Variants in SOS2 observed in about 807,000 individuals in gnomAD.
SOS2 encodes son of sevenless homolog 2.
A neutral mutation model predicts 148.2 loss-of-function variants in SOS2; 65 were observed. That is an observed-to-expected ratio of 0.44 (90% CI 0.36 to 0.54). SOS2 has a LOEUF of 0.54. SOS2 is among the 20% of genes least tolerant of loss of function. The pLI is 0.00. For missense variants in SOS2, 1,341 were observed against 1,590.2 expected (o/e 0.84, Z 2.67); for synonymous variants, 539 against 537.1 (o/e 1.00, Z -0.05).
intron 19 of SOS2, among the ~76,000 whole-genome samples, chr14:50,133,668 C>T (rs768201717): frequency 2.5e-4 from 38 of 152,150 alleles, no homozygotes; most frequent in Non-Finnish European, 4.1e-4. Context: ...CTTCTGTTGC[C>T]ACTGCAAACT....
chr14:50,215,831 T>C (rs1887027398), intron 1 of SOS2, among the ~76,000 whole-genome samples: 1 of 152,252 alleles, frequency 6.6e-6, no homozygotes, highest in South Asian at 2.1e-4. Context: ...TTTGACAAGT[T>C]ATAGAAATGT....
chr14:50,157,596 G>A (rs377617561), intron 11 of SOS2, among the ~76,000 whole-genome samples: 10 of 152,086 alleles, frequency 6.6e-5, no homozygotes, highest in African/African-American at 2.4e-4. Context: ...AGGAAATACA[G>A]CTAAACTATA....
chr14:50,213,642 G>A (rs1029430276), intron 1 of SOS2, among the ~76,000 whole-genome samples: 10 of 151,946 alleles, frequency 6.6e-5, no homozygotes, highest in Admixed American at 6.6e-5. Context: ...CTGCACTCCA[G>A]CCTGGCCGAC....
chr14:50,163,465 T>C (rs1336469520), intron 8 of SOS2, among the ~76,000 whole-genome samples: 1 of 152,130 alleles, frequency 6.6e-6, no homozygotes, highest in Non-Finnish European at 1.5e-5. Context: ...ACAGAGCCAT[T>C]TGATTTTATT....
At chr14:50,209,819 G>A (rs1319168333) in intron 1 of SOS2, among the ~76,000 whole-genome samples, 1 of 152,072 alleles carries the variant, frequency 6.6e-6, no homozygotes, top group African/African-American at 2.4e-5. Flanking sequence ...TTGAGTACCT[G>A]ATAAGGTACA....
chr14:50,126,362 T>C (rs917277885), intron 21 of SOS2, among the ~76,000 whole-genome samples: 3 of 152,186 alleles, frequency 2.0e-5, no homozygotes, highest in South Asian at 2.1e-4. Context: ...TTTGCATCCA[T>C]TGACTAAAGT....
chr14:50,147,346 A>G (rs1385997519), intron 14 of SOS2, among the ~76,000 whole-genome samples: 1 of 151,878 alleles, frequency 6.6e-6, no homozygotes, highest in Non-Finnish European at 1.5e-5. Flanking sequence ...CATCTCTATG[A>G]AATTTTTTTA....
At position 50,148,363 on chromosome 14, in the gene SOS2, T is replaced by A. The variant is rs572320318; in HGVS notation, c.2384+1645A>T. On this transcript the variant is annotated intron_variant, in intron 14 of 22. Coordinates refer to ENST00000216373, the MANE Select transcript of SOS2 (RefSeq NM_006939.4). Reference sequence around the variant, plus strand: ...AGGCACAGGTTGCAGTGAGCCGAGATTGCACAACTGCACTCCAGCCTGGGT... The same window carrying A: ...AGGCACAGGTTGCAGTGAGCCGAGAATGCACAACTGCACTCCAGCCTGGGT... Among the ~76,000 whole-genome samples the A allele has an allele frequency of 6.1e-5, 9 of 148,566 alleles. No individual in the cohort carries two copies. The East Asian group carries it at 1.8e-3, about 29-fold the overall frequency.
chr14:50,182,890 T>C (rs987694091), intron 5 of SOS2, among the ~76,000 whole-genome samples: 1 of 152,260 alleles, frequency 6.6e-6, no homozygotes, highest in African/African-American at 2.4e-5. Context: ...ATTTAATTTA[T>C]GGGTGGTACT....
At chr14:50,137,172 T>C (rs1884108843) in intron 18 of SOS2, among the ~76,000 whole-genome samples, 1 of 152,188 alleles carries the variant, frequency 6.6e-6, no homozygotes, top group African/African-American at 2.4e-5. Context: ...CATAATATCA[T>C]AGTTTAATTT....
chr14:50,173,667 C>T lies in SOS2; in HGVS notation c.1068+787G>A, dbSNP rs145734509. On this transcript the variant is annotated intron_variant, in intron 8 of 22. Transcript: ENST00000216373. ...CAATCTCCTGACCTCATGATCCACC[C>T]GCCTCGGCCTCCCAAAGTGCTGGGA... Among the ~76,000 whole-genome samples, 462 of 152,170 alleles carry T rather than the reference C, an allele frequency of 3.0e-3. 3 individuals carry two copies. The highest frequency in any genetic ancestry group is 7.9e-3 in the African/African-American group (327 of 41,524).
At position 50,224,304 on chromosome 14, in the gene SOS2, A is replaced by AAAAT. The variant is rs1243000778; in HGVS notation, c.87+6892_87+6893insATTT. ...AGACTCCGTCTCAGGAAAAAAAAAA[A>AAAAT]ATATATATATACACACACACACACA... On this transcript the variant is annotated intron_variant, in intron 1 of 22. Transcript: ENST00000216373. 1.3e-4 allele frequency among the ~76,000 whole-genome samples: 8 copies of AAAAT among 62,690 alleles called. 1 individual carries two copies. The highest frequency in any genetic ancestry group is 3.6e-4 in the African/African-American group (6 of 16,494). 41.1% of individuals were successfully genotyped at this position (62,690 alleles called of 152,430 possible).
chr14:50,157,828 T>C (rs1884867775), intron 11 of SOS2, among the ~76,000 whole-genome samples: 1 of 152,186 alleles, frequency 6.6e-6, no homozygotes, highest in Non-Finnish European at 1.5e-5. Flanking sequence ...GTCCAGATTC[T>C]ACATTTTAAA....
chr14:50,171,948 T>C (rs1885379873), intron 8 of SOS2, among the ~76,000 whole-genome samples: 1 of 150,000 alleles, frequency 6.7e-6, no homozygotes, highest in African/African-American at 2.5e-5. Context: ...TTGGTATACA[T>C]GTGCCTGCAT....
intron 7 of SOS2, among the ~76,000 whole-genome samples, chr14:50,179,871 G>C (rs1885675152): frequency 6.6e-6 from 1 of 151,946 alleles, no homozygotes; most frequent in African/African-American, 2.4e-5. Context: ...TAAATTGTAG[G>C]CCTCATAGAA....
intron 16 of SOS2, among the ~76,000 whole-genome samples, chr14:50,144,388 A>G (rs534717002): frequency 1.7e-3 from 255 of 152,064 alleles, no homozygotes; most frequent in Non-Finnish European, 3.1e-3. Flanking sequence ...ATATCTCCTG[A>G]ATTTTCAATA....
intron 10 of SOS2, 121 bp downstream of exon 10, chr14:50,159,310 C>T: frequency 1.2e-5 from 7 of 562,130 alleles, no homozygotes; most frequent in South Asian, 6.6e-5. Flanking sequence ...TTTGTTTTTG[C>T]AGTATTTTTA....
intron 1 of SOS2, among the ~76,000 whole-genome samples, chr14:50,225,388 T>A (rs556495072): frequency 6.6e-6 from 1 of 152,340 alleles, no homozygotes; most frequent in East Asian, 1.9e-4. Context: ...AGAGAGTCCA[T>A]GGTTAATACA....
At chr14:50,128,099 TAA>T (rs1448214813) in intron 21 of SOS2, among the ~76,000 whole-genome samples, 2 of 152,138 alleles carry the variant, frequency 1.3e-5, no homozygotes, top group African/African-American at 2.4e-5. Context: ...CTACTCCTAT[TAA>T]AATCAGGGAG....
Sources: gnomAD v4.1 joint callset for allele counts (sites outside exome capture counted in the v4.1 genomes callset) on GRCh38, gnomAD v4.1.1 for gene constraint, MANE v1.5 for transcripts, NCBI Gene and HGNC (gene_info 2026-07-23, HGNC 2026-07-21) for gene names.